The following TRIM24 variants were observed in gnomAD, a reference collection of about 807,000 sequenced individuals.
The protein encoded by TRIM24 is tripartite motif containing 24.
A neutral mutation model predicts 123.9 loss-of-function variants in TRIM24; 29 were observed. The ratio of observed to expected loss-of-function variants is 0.23; its 90% confidence interval spans 0.17 to 0.32. TRIM24 has a LOEUF of 0.32. TRIM24 is among the 10% of genes least tolerant of loss of function. The pLI, the probability that TRIM24 is intolerant of heterozygous loss-of-function variation, is 1.00. For synonymous variants in TRIM24, 456 were observed against 461.1 expected (o/e 0.99, Z 0.14); for missense variants, 932 against 1,295.3 (o/e 0.72, Z 4.31).
chr7:138,509,701 CAA>C (rs538243079), intron 2 of TRIM24, among the ~76,000 whole-genome samples: 1 of 67,870 alleles, frequency 1.5e-5, no homozygotes, highest in Non-Finnish European at 2.8e-5. Flanking sequence ...GACTCTGTCT[CAA>C]AAAAAAAAAA....
intron 1 of TRIM24, among the ~76,000 whole-genome samples, chr7:138,490,278 C>T (rs567818457): frequency 2.1e-3 from 313 of 152,258 alleles, no homozygotes; most frequent in Middle Eastern, 0.02. Context: ...TTTTTAGCTT[C>T]CTTGTGATGG....
intron 4 of TRIM24, among the ~76,000 whole-genome samples, chr7:138,520,083 G>A (rs189343365): frequency 1.0e-3 from 156 of 152,304 alleles, no homozygotes; most frequent in African/African-American, 3.6e-3. Context: ...TATTGGACAG[G>A]ATTGGGTTGG....
intron 17 of TRIM24, among the ~76,000 whole-genome samples, chr7:138,582,571 CT>C (rs1188724271): frequency 6.7e-6 from 1 of 148,720 alleles, no homozygotes; most frequent in Admixed American, 6.7e-5. Context: ...TTTGATGTGA[CT>C]TTAACGCATA....
rs551720996 is a variant in TRIM24 at position 138,513,001 on chromosome 7, C to T, written c.484-2211C>T. Among the ~76,000 whole-genome samples the T allele has an allele frequency of 1.1e-4, 16 of 152,314 alleles. No individual in the cohort carries two copies. The East Asian group carries it at 2.9e-3, about 28-fold the overall frequency. ...AAGCAGCCAGATCACATCTTGAACACTGCTGCTTAGAAACCAGATACTCTA... is the reference window on the plus strand; with the variant it reads ...AAGCAGCCAGATCACATCTTGAACATTGCTGCTTAGAAACCAGATACTCTA... On this transcript the variant is annotated intron_variant, in intron 2 of 18. Transcript: ENST00000343526.
chr7:138,512,175 C>T (rs1796303312), intron 2 of TRIM24, among the ~76,000 whole-genome samples: 1 of 152,216 alleles, frequency 6.6e-6, no homozygotes, highest in Non-Finnish European at 1.5e-5. Flanking sequence ...GCAGCTGTAC[C>T]TACCCCTGTG....
At chr7:138,517,191 A>G (rs1335227087) in intron 3 of TRIM24, among the ~76,000 whole-genome samples, 2 of 150,502 alleles carry the variant, frequency 1.3e-5, no homozygotes, top group Non-Finnish European at 3.0e-5. Context: ...CTTGTGATAT[A>G]TTGGCTGATT....
chr7:138,544,366 G>A (rs1040575995), intron 7 of TRIM24, among the ~76,000 whole-genome samples: 5 of 152,096 alleles, frequency 3.3e-5, no homozygotes, highest in African/African-American at 1.2e-4. Flanking sequence ...CCTTTTTTAA[G>A]GTTGGATAAT....
At chr7:138,466,383 G>A (rs1253405762) in intron 1 of TRIM24, among the ~76,000 whole-genome samples, 1 of 150,450 alleles carries the variant, frequency 6.6e-6, no homozygotes, top group African/African-American at 2.4e-5. Context: ...ATAATGATGA[G>A]CATCTTTTCT....
intron 2 of TRIM24, among the ~76,000 whole-genome samples, chr7:138,504,998 TA>T (rs1796121583): frequency 6.6e-6 from 1 of 151,666 alleles, no homozygotes. Flanking sequence ...TGACCTTGAG[TA>T]ATCCACCCGC....
rs3213903 is a variant in TRIM24, at chr7:138,529,273, A to G, written c.996+43A>G. 1,434 of 1,022,418 alleles carry G rather than the reference A, an allele frequency of 1.4e-3. 23 individuals carry two copies. In the East Asian group the frequency reaches 0.038, roughly 27 times the overall value. 63.3% of individuals were successfully genotyped at this position (1,022,418 alleles called of 1,614,324 possible). On this transcript the variant is annotated intron_variant, in intron 6 of 18. Transcript: ENST00000343526. Reference sequence around the variant, plus strand: ...GGATAGTATATTGATTCAACATAGTATTTCCTAAAGTACTGTGAAGTAGAA... The same window carrying G: ...GGATAGTATATTGATTCAACATAGTGTTTCCTAAAGTACTGTGAAGTAGAA...
chr7:138,460,911 A>G lies in TRIM24; in HGVS notation c.363A>G (p.Gln121=). The part of the protein sequence containing the change: ...PVSGSSPFAT[Q]VGVIRCPVCS... ...GCGGCTCGTCGCCGTTCGCCACCCA[A>G]GGTGAGAACCGGCCGCGGCCGCTGG... Residue 121 remains glutamine, a splice_region_variant and synonymous_variant, in exon 1 of 19, where the codon CAA becomes CAG. Transcript: ENST00000343526. 2 of 1,475,126 alleles carry G rather than the reference A, an allele frequency of 1.4e-6. No individual in the cohort carries two copies. The highest frequency in any genetic ancestry group is 1.3e-5 in the South Asian group (1 of 77,194). The allele number at this position is 1,475,126 out of a possible 1,614,324, so 91.4% of individuals were successfully genotyped here.
chr7:138,580,448 T>A (rs1797868944), intron 15 of TRIM24, 114 bp from the exon 16 acceptor site: 3 of 1,345,808 alleles, frequency 2.2e-6, no homozygotes, highest in South Asian at 2.9e-5. Context: ...TGATTAAAAT[T>A]CATGCCAAAT....
chr7:138,473,793 A>G (rs1230788844), intron 1 of TRIM24, among the ~76,000 whole-genome samples: 2 of 152,186 alleles, frequency 1.3e-5, no homozygotes, highest in South Asian at 4.1e-4. Flanking sequence ...TTGACAATCA[A>G]ATTGCCCAAA....
intron 16 of TRIM24, 85 bp downstream of exon 16, chr7:138,580,779 A>G (rs1797877377): frequency 7.8e-7 from 1 of 1,286,766 alleles, no homozygotes. Context: ...ATATCCATCC[A>G]GATTTTATAC....
chr7:138,503,604 T>G (rs1478340658), intron 1 of TRIM24, among the ~76,000 whole-genome samples: 3 of 151,832 alleles, frequency 2.0e-5, no homozygotes, highest in African/African-American at 7.2e-5. Context: ...TTAAATTATA[T>G]GGCATCAAGT....
chr7:138,523,353 A>G (rs965599416), intron 4 of TRIM24, among the ~76,000 whole-genome samples: 1 of 152,258 alleles, frequency 6.6e-6, no homozygotes, highest in African/African-American at 2.4e-5. Flanking sequence ...TAAATACAAT[A>G]GAAAGTCAGA....
chr7:138,485,101 T>C (rs1795615622), intron 1 of TRIM24, among the ~76,000 whole-genome samples: 1 of 152,170 alleles, frequency 6.6e-6, no homozygotes, highest in African/African-American at 2.4e-5. Context: ...GGATTTTCAA[T>C]TTTATTGGTT....
At chr7:138,576,351 T>C (rs777694608) in intron 12 of TRIM24, 22 bp from the exon 13 acceptor site, 1 of 1,606,836 alleles carries the variant, frequency 6.2e-7, no homozygotes, top group African/African-American at 1.3e-5. Flanking sequence ...GTTTTATGAA[T>C]GTATGGTTTC....
At position 138,589,624 on chromosome 7, in the gene TRIM24, G is replaced by GT. The variant is rs1798072290; in HGVS notation, c.*4674dup. On this transcript the variant is annotated 3_prime_UTR_variant, in exon 19 of 19. Transcript: ENST00000343526. The stretch of plus-strand genomic sequence containing the variant: ...AATCTGACAGGAAGGAAAGCGGGTG[G>GT]TAAGTATCTTGGATTATTCTGCCTC... The GT allele has an allele frequency of 6.6e-6, 1 of 152,164 alleles. No individual in the cohort carries two copies. Among genetic ancestry groups the GT allele is most frequent in the Admixed American group, 6.5e-5 (1 of 15,274 alleles). The allele number at this position is 152,164 out of a possible 1,614,324, so 9.4% of individuals were successfully genotyped here.
Sources: gnomAD v4.1 joint callset for allele counts (sites outside exome capture counted in the v4.1 genomes callset) on GRCh38, gnomAD v4.1.1 for gene constraint, MANE v1.5 for transcripts, NCBI Gene and HGNC (gene_info 2026-07-23, HGNC 2026-07-21) for gene names.